The following NRG4 variants were observed in gnomAD, a reference collection of about 807,000 sequenced individuals.
The protein encoded by NRG4 is neuregulin 4, also known as pro-neuregulin-4, membrane-bound isoform.
NRG4 carries 10 observed loss-of-function variants against 15.0 expected under a neutral mutation model. The ratio of observed to expected loss-of-function variants is 0.67; its 90% CI spans 0.41 to 1.13. The LOEUF is 1.13. NRG4 is among the 50% of genes most tolerant of loss of function. NRG4 has a pLI of 0.00. For missense variants in NRG4, 139 were observed against 140.2 expected (o/e 0.99, Z 0.04); for synonymous variants, 41 against 50.1 (o/e 0.82, Z 0.77).
chr15:75,954,120 G>T (rs187202300), intron 5 of NRG4, among the ~76,000 whole-genome samples: 2 of 151,896 alleles, frequency 1.3e-5, no homozygotes, highest in Admixed American at 1.3e-4. Context: ...TGCAGTTGTC[G>T]CACAGTTCAC....
At chr15:76,023,170 ACACACACACACAC>A (rs1567116192) in intron 5 of NRG4, among the ~76,000 whole-genome samples, 8 of 147,834 alleles carry the variant, frequency 5.4e-5, no homozygotes, top group South Asian at 4.3e-4. Flanking sequence ...ACACACACAC[ACACACACACACAC>A]AAGCAAGGAC....
At chr15:75,989,332 T>G (rs1368137218) in intron 3 of NRG4, among the ~76,000 whole-genome samples, 1 of 152,218 alleles carries the variant, frequency 6.6e-6, no homozygotes, top group Non-Finnish European at 1.5e-5. Flanking sequence ...TAACATTTCA[T>G]GTAGCGTGGC....
At chr15:75,948,063 T>C (rs952215476) in intron 5 of NRG4, among the ~76,000 whole-genome samples, 2 of 152,206 alleles carry the variant, frequency 1.3e-5, no homozygotes, top group African/African-American at 4.8e-5. Context: ...TATCAAATCC[T>C]TACCAGATAC....
chr15:76,050,501 G>T (rs1311763107), intron 4 of NRG4, among the ~76,000 whole-genome samples: 1 of 137,340 alleles, frequency 7.3e-6, no homozygotes, highest in Non-Finnish European at 1.5e-5. Flanking sequence ...GAGTGCAATG[G>T]CTCACTGCAA....
At chr15:75,964,539 C>T (rs374817789) in intron 3 of NRG4, among the ~76,000 whole-genome samples, 37 of 152,108 alleles carry the variant, frequency 2.4e-4, no homozygotes, top group Middle Eastern at 3.4e-3. Flanking sequence ...AATCCTGAAA[C>T]GAGATAGTAT....
Position 76,018,573 on chromosome 15 carries a change from A to G in NRG4, c.-56-7287T>C, listed in dbSNP as rs188742528. Among the ~76,000 whole-genome samples, 4 of 152,152 alleles carry G rather than the reference A, an allele frequency of 2.6e-5. No individual in the cohort carries two copies. The East Asian group carries it at 7.7e-4, about 29-fold the overall frequency. ...TTTCTGTTTGTTAATTTTCCATCTAACAGTCAAGCCTCTCTGCTGCAGGTC... is the reference window on the plus strand; with the variant it reads ...TTTCTGTTTGTTAATTTTCCATCTAGCAGTCAAGCCTCTCTGCTGCAGGTC... On this transcript the variant is annotated intron_variant, in intron 5 of 8. Transcript: ENST00000563910.
intron 3 of NRG4, among the ~76,000 whole-genome samples, chr15:75,986,556 A>G (rs2033807560): frequency 6.6e-6 from 1 of 152,234 alleles, no homozygotes; most frequent in South Asian, 2.1e-4. Context: ...AAAACAGTGT[A>G]AAAACTGACA....
At chr15:76,020,451 G>T (rs1456247079) in intron 5 of NRG4, among the ~76,000 whole-genome samples, 1 of 152,172 alleles carries the variant, frequency 6.6e-6, no homozygotes, top group African/African-American at 2.4e-5. Flanking sequence ...CTTTTATGGA[G>T]AAAGTTTTAG....
intron 3 of NRG4, among the ~76,000 whole-genome samples, chr15:75,991,059 TAGG>T (rs1432714733): frequency 1.3e-5 from 2 of 152,180 alleles, no homozygotes; most frequent in African/African-American, 4.8e-5. Flanking sequence ...TTCCAAATAT[TAGG>T]AGTTTTTCTA....
chr15:76,002,767 A>G (rs1212614019), intron 3 of NRG4, among the ~76,000 whole-genome samples: 1 of 152,188 alleles, frequency 6.6e-6, no homozygotes, highest in Non-Finnish European at 1.5e-5. Context: ...GGGTCAATTA[A>G]ACAAGAGCAC....
chr15:76,006,818 G>A (rs1001701077), intron 3 of NRG4, among the ~76,000 whole-genome samples: 2 of 152,176 alleles, frequency 1.3e-5, no homozygotes, highest in South Asian at 2.1e-4. Flanking sequence ...ACAAAAGCAG[G>A]ATGACAACCT....
downstream of NRG4, chr15:75,939,255 A>G (rs1239502439): frequency 2.0e-5 from 3 of 152,156 alleles, no homozygotes; most frequent in African/African-American, 7.2e-5. Flanking sequence ...TGAAAATGGG[A>G]ACAGCACTCT....
At chr15:76,043,259 C>G (rs1037721544) in intron 4 of NRG4, among the ~76,000 whole-genome samples, 1 of 152,180 alleles carries the variant, frequency 6.6e-6, no homozygotes, top group Non-Finnish European at 1.5e-5. Context: ...TGCCCACTTT[C>G]ACCACTGTTA....
chr15:75,989,160 G>A (rs1344580083), intron 3 of NRG4, among the ~76,000 whole-genome samples: 3 of 152,112 alleles, frequency 2.0e-5, no homozygotes, highest in Admixed American at 2.0e-4. Flanking sequence ...ACCCAGCCCT[G>A]AGTGAATTTT....
At chr15:76,024,426 C>A (rs1415849914) in intron 5 of NRG4, among the ~76,000 whole-genome samples, 1 of 152,222 alleles carries the variant, frequency 6.6e-6, no homozygotes, top group East Asian at 1.9e-4. Flanking sequence ...AGCTTAGAAG[C>A]CATGCATCTG....
At chr15:76,016,115 T>A (rs2141919600), upstream of NRG4, among the ~76,000 whole-genome samples, 1 of 152,336 alleles carries the variant, frequency 6.6e-6, no homozygotes, top group Middle Eastern at 3.4e-3. Context: ...TTCTTCTAGA[T>A]TTTCTAGTTT....
intron 5 of NRG4, among the ~76,000 whole-genome samples, chr15:75,943,946 C>T (rs1214248912): frequency 1.3e-5 from 2 of 151,898 alleles, no homozygotes; most frequent in South Asian, 2.1e-4. Context: ...TGCCTCTTAC[C>T]CAAAGTTCTA....
At position 76,059,316 on chromosome 15, in the gene NRG4, G is replaced by T. The variant is rs114080814; in HGVS notation, c.-328+339C>A. On this transcript the variant is annotated intron_variant, in intron 1 of 8. Transcript: ENST00000563910. ...GGCACTCTGACCGTGCTATGACTCC[G>T]GCCACACAGAAAGAGGTGTTTTCCC... Among the ~76,000 whole-genome samples, 387 of 152,290 alleles carry T rather than the reference G, an allele frequency of 2.5e-3. 3 individuals carry two copies. The highest frequency in any genetic ancestry group is 8.9e-3 in the African/African-American group (371 of 41,560).
At chr15:75,961,515 A>T (rs2032521554) in intron 4 of NRG4, among the ~76,000 whole-genome samples, 1 of 152,154 alleles carries the variant, frequency 6.6e-6, no homozygotes, top group South Asian at 2.1e-4. Context: ...TCTTTCACAT[A>T]CAAAATTTAC....
Sources: gnomAD v4.1 joint callset for allele counts (sites outside exome capture counted in the v4.1 genomes callset) on GRCh38, gnomAD v4.1.1 for gene constraint, MANE v1.5 for transcripts, NCBI Gene and HGNC (gene_info 2026-07-23, HGNC 2026-07-21) for gene names.